Variants in KCNQ5 observed in about 807,000 individuals in gnomAD.
KCNQ5 encodes the protein potassium voltage-gated channel subfamily KQT member 5.
KCNQ5 carries 30 observed loss-of-function variants against 98.2 expected under a neutral mutation model. The ratio of observed to expected loss-of-function variants is 0.31; its 90% confidence interval spans 0.23 to 0.41. The LOEUF is 0.41. Among genes scored for constraint, KCNQ5 ranks in the 10% least tolerant of loss-of-function variants. The pLI is 1.00. For missense variants in KCNQ5, 835 were observed against 1,182.5 expected (o/e 0.71, Z 4.31); for synonymous variants, 458 against 449.4 (o/e 1.02, Z -0.24).
chr6:72,752,495 A>T (rs1771734473), intron 1 of KCNQ5, among the ~76,000 whole-genome samples: 1 of 152,094 alleles, frequency 6.6e-6, no homozygotes, highest in African/African-American at 2.4e-5. Context: ...CAAGCTTGGA[A>T]TGAAAAGCAG....
intron 1 of KCNQ5, among the ~76,000 whole-genome samples, chr6:72,971,047 T>A (rs1382290488): frequency 6.6e-6 from 1 of 152,066 alleles, no homozygotes; most frequent in East Asian, 1.9e-4. Context: ...GAAACTACCA[T>A]CAGAGTGAAC....
chr6:72,810,146 C>T (rs1775172972), intron 1 of KCNQ5, among the ~76,000 whole-genome samples: 1 of 152,150 alleles, frequency 6.6e-6, no homozygotes, highest in African/African-American at 2.4e-5. Flanking sequence ...ATAGCTTTTC[C>T]CTTGAACATG....
At chr6:73,140,341 C>T (rs1297479474) in intron 10 of KCNQ5, among the ~76,000 whole-genome samples, 1 of 152,204 alleles carries the variant, frequency 6.6e-6, no homozygotes, top group East Asian at 1.9e-4. Context: ...TGCCAAGCAC[C>T]ACGCTGCACA....
chr6:72,960,989 G>A (rs910136459), intron 1 of KCNQ5, among the ~76,000 whole-genome samples: 2 of 152,184 alleles, frequency 1.3e-5, no homozygotes, highest in African/African-American at 4.8e-5. Context: ...AATGCAGTTA[G>A]AGCCAGGGAT....
intron 1 of KCNQ5, among the ~76,000 whole-genome samples, chr6:72,873,762 CAAATG>C (rs1008682415): frequency 3.6e-4 from 54 of 151,994 alleles, no homozygotes; most frequent in African/African-American, 1.3e-3. Flanking sequence ...GTTTCCCAGA[CAAATG>C]AGATGAGCTA....
intron 1 of KCNQ5, among the ~76,000 whole-genome samples, chr6:72,904,391 CAT>C (rs1276816647): frequency 2.6e-5 from 4 of 152,134 alleles, no homozygotes; most frequent in African/African-American, 9.7e-5. Flanking sequence ...TTCCATTCAT[CAT>C]GCTATTTGTT....
intron 1 of KCNQ5, among the ~76,000 whole-genome samples, chr6:72,905,710 G>T (rs1404872013): frequency 6.6e-6 from 1 of 152,136 alleles, no homozygotes; most frequent in African/African-American, 2.4e-5. Context: ...TTCCAGGCTA[G>T]TACTGTGGGT....
At chr6:72,947,579 G>A (rs1264293251) in intron 1 of KCNQ5, among the ~76,000 whole-genome samples, 1 of 152,092 alleles carries the variant, frequency 6.6e-6, no homozygotes, top group Non-Finnish European at 1.5e-5. Context: ...CTCTTAGTTT[G>A]AAATTCAATT....
chr6:72,997,271 G>A (rs1460420732), intron 1 of KCNQ5, among the ~76,000 whole-genome samples: 1 of 152,052 alleles, frequency 6.6e-6, no homozygotes, highest in Non-Finnish European at 1.5e-5. Flanking sequence ...TCTACGCGGA[G>A]TCCACTGACT....
At chr6:72,988,489 C>T (rs1768922120) in intron 1 of KCNQ5, among the ~76,000 whole-genome samples, 1 of 152,008 alleles carries the variant, frequency 6.6e-6, no homozygotes, top group South Asian at 2.1e-4. Flanking sequence ...GAACAATAGA[C>T]ACTGCAGACT....
At position 73,053,065 on chromosome 6, in the gene KCNQ5, A is replaced by G. The variant is rs539766877; in HGVS notation, c.616+11003A>G. On this transcript the variant is annotated intron_variant, in intron 3 of 13. Transcript: ENST00000370398. ...GGATGGAGAAAAATCTACCAAGCAA[A>G]TGGAAAACAGAAAAAAGCAGGAGTT... is the stretch of plus-strand genomic sequence containing the variant. Among the ~76,000 whole-genome samples the G allele has an allele frequency of 9.2e-5, 14 of 152,340 alleles. 1 individual carries two copies. In the South Asian group the frequency reaches 1.5e-3, roughly 16 times the overall value.
intron 10 of KCNQ5, among the ~76,000 whole-genome samples, chr6:73,146,434 A>G (rs527779317): frequency 6.2e-4 from 94 of 152,112 alleles, no homozygotes; most frequent in African/African-American, 2.2e-3. Flanking sequence ...AGACTAGCCT[A>G]GGCAACATGG....
intron 1 of KCNQ5, among the ~76,000 whole-genome samples, chr6:72,652,783 C>T (rs1304405350): frequency 6.6e-6 from 1 of 152,048 alleles, no homozygotes; most frequent in African/African-American, 2.4e-5. Flanking sequence ...AACACCCAAT[C>T]CTAGTCAAAG....
chr6:73,140,279 C>T (rs1474398948), intron 10 of KCNQ5, among the ~76,000 whole-genome samples: 2 of 152,158 alleles, frequency 1.3e-5, no homozygotes, highest in African/African-American at 4.8e-5. Context: ...CATCTTCCTC[C>T]CTCATGTTTT....
chr6:73,064,528 T>C (rs939644297), intron 3 of KCNQ5, among the ~76,000 whole-genome samples: 2 of 152,174 alleles, frequency 1.3e-5, no homozygotes, highest in South Asian at 2.1e-4. Context: ...CCAAATCTTT[T>C]TTTTTTTAAT....
chr6:72,732,292 C>T (rs1340985513), intron 1 of KCNQ5, among the ~76,000 whole-genome samples: 1 of 151,690 alleles, frequency 6.6e-6, no homozygotes, highest in African/African-American at 2.4e-5. Context: ...CCTGAGGAAG[C>T]CTGAGTAGGG....
chr6:72,657,328 T>A (rs1766247026), intron 1 of KCNQ5, among the ~76,000 whole-genome samples: 1 of 152,212 alleles, frequency 6.6e-6, no homozygotes, highest in Non-Finnish European at 1.5e-5. Flanking sequence ...AGTAATTAAA[T>A]CATATTTTTT....
chr6:72,796,853 G>C (rs1280012657), intron 1 of KCNQ5, among the ~76,000 whole-genome samples: 1 of 152,112 alleles, frequency 6.6e-6, no homozygotes, highest in African/African-American at 2.4e-5. Flanking sequence ...AATACAAATA[G>C]ATACTATAAT....
intron 1 of KCNQ5, among the ~76,000 whole-genome samples, chr6:72,712,524 C>A (rs1769421234): frequency 6.6e-6 from 1 of 152,186 alleles, no homozygotes. Context: ...AGATTTACCT[C>A]AGTTAATAGC....
Sources: allele counts gnomAD v4.1 joint callset (sites outside exome capture counted in the v4.1 genomes callset), GRCh38; gene constraint gnomAD v4.1.1; transcripts MANE v1.5; gene names NCBI Gene and HGNC (gene_info 2026-07-23, HGNC 2026-07-21).